ACVR1C: variants seen among roughly 807,000 people sequenced by gnomAD.
ACVR1C encodes activin receptor type-1C.
In ACVR1C, 23 loss-of-function variants were observed where a neutral mutation model predicts 57.9. The observed-to-expected ratio is 0.40, with a 90% CI of 0.29 to 0.56. ACVR1C has a LOEUF of 0.56. Among genes scored for constraint, ACVR1C ranks in the 20% least tolerant of loss-of-function variants. The pLI is 0.50. For synonymous variants in ACVR1C, 214 were observed against 215.3 expected (o/e 0.99, Z 0.05); for missense variants, 480 against 607.9 (o/e 0.79, Z 2.21).
chr2:157,536,601 T>C (rs1470626828), intron 8 of ACVR1C, among the ~76,000 whole-genome samples: 1 of 152,144 alleles, frequency 6.6e-6, no homozygotes, highest in Non-Finnish European at 1.5e-5. Flanking sequence ...ACATTTTGGA[T>C]ACCCCCAAAC....
intron 2 of ACVR1C, among the ~76,000 whole-genome samples, chr2:157,566,958 G>A (rs1443603323): frequency 1.5e-4 from 19 of 127,664 alleles, no homozygotes; most frequent in Non-Finnish European, 2.5e-4. Context: ...GCAGACTTAA[G>A]TGTCCCTGTC....
intron 3 of ACVR1C, among the ~76,000 whole-genome samples, chr2:157,554,870 T>C (rs2105223436): frequency 6.6e-6 from 1 of 152,148 alleles, no homozygotes; most frequent in East Asian, 1.9e-4. Context: ...GTTACTCTTG[T>C]TCGTATTTTC....
At chr2:157,536,570 A>C (rs939215135) in intron 8 of ACVR1C, among the ~76,000 whole-genome samples, 1 of 152,182 alleles carries the variant, frequency 6.6e-6, no homozygotes, top group Non-Finnish European at 1.5e-5. Context: ...CCATTTGTTC[A>C]AGATTGAGGA....
At chr2:157,536,017 GAAAT>G (rs1282625278) in intron 8 of ACVR1C, among the ~76,000 whole-genome samples, 1 of 151,966 alleles carries the variant, frequency 6.6e-6, no homozygotes, top group East Asian at 1.9e-4. Flanking sequence ...TAAAGGTTCA[GAAAT>G]AAATAAATAA....
At position 157,628,511 on chromosome 2, in the gene ACVR1C, C is replaced by A. The variant is rs899537455; in HGVS notation, c.73+61G>T. 2.6e-6 allele frequency: 4 copies of A among 1,559,446 alleles called. No homozygotes were observed. The African/African-American group carries it at 5.4e-5, about 21-fold the overall frequency. ...CCCCTGTCCCCCACCCCCGTGCTCA[C>A]CCGCAGACCTCCTCCCAGCTCCCAC... On this transcript the variant is annotated intron_variant, in intron 1 of 8. Transcript: ENST00000243349.
intron 8 of ACVR1C, among the ~76,000 whole-genome samples, chr2:157,537,330 A>G (rs1352697849): frequency 1.3e-5 from 2 of 152,010 alleles, no homozygotes; most frequent in African/African-American, 4.8e-5. Flanking sequence ...TGGATTCACT[A>G]GTTTTCATTC....
chr2:157,554,283 G>GGAA (rs1339528061), intron 3 of ACVR1C, among the ~76,000 whole-genome samples: 29 of 109,950 alleles, frequency 2.6e-4, no homozygotes, highest in African/African-American at 1.3e-3. Flanking sequence ...AAGGAAGGAA[G>GGAA]AGAGAGAGAG....
chr2:157,596,943 A>G (rs1472173143), intron 1 of ACVR1C, among the ~76,000 whole-genome samples: 1 of 152,144 alleles, frequency 6.6e-6, no homozygotes, highest in Non-Finnish European at 1.5e-5. Flanking sequence ...CACATGTAGG[A>G]GCTGTGAGCT....
At chr2:157,562,339 T>C (rs1476304098) in intron 2 of ACVR1C, among the ~76,000 whole-genome samples, 2 of 146,214 alleles carry the variant, frequency 1.4e-5, no homozygotes, top group Non-Finnish European at 3.0e-5. Context: ...ACATATATTA[T>C]ATGGAAAACT....
In ACVR1C at chr2:157,542,688, C is replaced by T; in HGVS notation, c.1100+18G>A. The T allele has an allele frequency of 6.2e-7, 1 of 1,609,322 alleles. No homozygotes were observed. Among genetic ancestry groups the T allele is most frequent in the Non-Finnish European group, 8.5e-7 (1 of 1,177,766 alleles). ...GCACTCTCACATCTTACTATGCTAC[C>T]CAAGTCAGTCGTCTTACCTCTTGGT... On this transcript the variant is annotated intron_variant, in intron 6 of 8. Coordinates refer to ENST00000243349, the MANE Select transcript of ACVR1C (RefSeq NM_145259.3).
intron 7 of ACVR1C, among the ~76,000 whole-genome samples, chr2:157,540,324 G>A (rs762818525): frequency 4.6e-5 from 7 of 151,936 alleles, no homozygotes; most frequent in Admixed American, 2.0e-4. Flanking sequence ...ATATTTACAG[G>A]GCTTCCCCCT....
intron 2 of ACVR1C, among the ~76,000 whole-genome samples, chr2:157,577,960 T>C (rs1224126513): frequency 6.6e-6 from 1 of 152,072 alleles, no homozygotes; most frequent in African/African-American, 2.4e-5. Flanking sequence ...TGGAGTGCAA[T>C]GGTGTGAGCA....
intron 2 of ACVR1C, among the ~76,000 whole-genome samples, chr2:157,559,528 G>A (rs1186454653): frequency 6.6e-6 from 1 of 152,128 alleles, no homozygotes; most frequent in East Asian, 1.9e-4. Context: ...AATTTTTCTA[G>A]CAGGTTTTAA....
At chr2:157,539,710 A>T (rs2105204626) in intron 7 of ACVR1C, among the ~76,000 whole-genome samples, 1 of 152,352 alleles carries the variant, frequency 6.6e-6, no homozygotes, top group Admixed American at 6.5e-5. Context: ...TCTGTTTTAT[A>T]GATGAGGAAA....
chr2:157,627,630 T>C (rs896306032), intron 1 of ACVR1C, among the ~76,000 whole-genome samples: 2 of 152,178 alleles, frequency 1.3e-5, no homozygotes, highest in Admixed American at 6.5e-5. Context: ...GAAAACAAAA[T>C]GCATCAAAAT....
intron 2 of ACVR1C, among the ~76,000 whole-genome samples, chr2:157,574,574 C>T (rs143904851): frequency 3.3e-5 from 5 of 150,322 alleles, no homozygotes; most frequent in Admixed American, 2.0e-4. Context: ...AACCTGTCTA[C>T]GGGCCTATCT....
chr2:157,574,816 A>C (rs1031430614), intron 2 of ACVR1C, among the ~76,000 whole-genome samples: 10 of 152,316 alleles, frequency 6.6e-5, no homozygotes, highest in African/African-American at 2.4e-4. Flanking sequence ...TAAAGTTTTC[A>C]GTCAGGCCCC....
intron 1 of ACVR1C, among the ~76,000 whole-genome samples, chr2:157,588,848 C>CATATATATAG (rs1553484219): frequency 1.1e-5 from 1 of 89,094 alleles, no homozygotes; most frequent in East Asian, 2.9e-4. Flanking sequence ...ACAAACACAC[C>CATATATATAG]ATATATATAT....
At chr2:157,617,150 A>G (rs553403690) in intron 1 of ACVR1C, among the ~76,000 whole-genome samples, 4 of 152,208 alleles carry the variant, frequency 2.6e-5, no homozygotes, top group African/African-American at 9.6e-5. Flanking sequence ...TGGCATGGTT[A>G]TATTACTATT....
Sources: gnomAD v4.1 joint callset for allele counts (sites outside exome capture counted in the v4.1 genomes callset) on GRCh38, gnomAD v4.1.1 for gene constraint, MANE v1.5 for transcripts, NCBI Gene and HGNC (gene_info 2026-07-23, HGNC 2026-07-21) for gene names.